The following DCC variants were observed in gnomAD, a reference collection of about 807,000 sequenced individuals.
The protein encoded by DCC is DCC netrin 1 receptor, also known as netrin receptor DCC.
In DCC, 58 loss-of-function variants were observed where a neutral mutation model predicts 172.5. The ratio of observed to expected loss-of-function variants is 0.34; its 90% confidence interval spans 0.27 to 0.42. DCC has a LOEUF of 0.42. Among genes scored for constraint, DCC ranks in the 10% least tolerant of loss-of-function variants. The pLI is 1.00. For synonymous variants in DCC, 709 were observed against 644.5 expected (o/e 1.10, Z -1.52); for missense variants, 1,740 against 1,791.0 (o/e 0.97, Z 0.51).
intron 3 of DCC, among the ~76,000 whole-genome samples, chr18:52,911,772 T>G (rs1174952086): frequency 6.6e-6 from 1 of 151,976 alleles, no homozygotes; most frequent in Non-Finnish European, 1.5e-5. Context: ...CATACTGTGT[T>G]TTCTTTTAAA....
At chr18:52,346,781 G>T (rs1187220734) in intron 1 of DCC, among the ~76,000 whole-genome samples, 1 of 152,116 alleles carries the variant, frequency 6.6e-6, no homozygotes, top group Non-Finnish European at 1.5e-5. Context: ...CTTATGGCAT[G>T]ACTTCTGTAG....
intron 5 of DCC, among the ~76,000 whole-genome samples, chr18:52,956,248 A>C (rs1189754123): frequency 6.6e-6 from 1 of 152,034 alleles, no homozygotes; most frequent in South Asian, 2.1e-4. Flanking sequence ...GAAGAGTATA[A>C]GGTCTGTGTC....
chr18:52,920,823 T>C (rs1169754496), intron 3 of DCC, among the ~76,000 whole-genome samples: 1 of 152,050 alleles, frequency 6.6e-6, no homozygotes, highest in African/African-American at 2.4e-5. Flanking sequence ...ATCTAGACAA[T>C]GGATTATTAC....
intron 1 of DCC, among the ~76,000 whole-genome samples, chr18:52,701,036 G>T (rs766077889): frequency 2.0e-5 from 3 of 152,116 alleles, no homozygotes; most frequent in African/African-American, 7.2e-5. Flanking sequence ...GATAGCCTCC[G>T]ATCAGTGACT....
At chr18:52,599,725 G>A (rs910084663) in intron 1 of DCC, among the ~76,000 whole-genome samples, 13 of 152,006 alleles carry the variant, frequency 8.6e-5, no homozygotes, top group South Asian at 2.1e-4. Flanking sequence ...TGTTGGTCAG[G>A]CTAGTCTCAA....
At chr18:53,393,979 A>G (rs968382275) in intron 17 of DCC, among the ~76,000 whole-genome samples, 7 of 151,658 alleles carry the variant, frequency 4.6e-5, no homozygotes, top group African/African-American at 1.7e-4. Flanking sequence ...AGAGAAAACT[A>G]GAAAGATATA....
At chr18:52,394,445 G>T (rs36020531) in intron 1 of DCC, among the ~76,000 whole-genome samples, 14,455 of 146,816 alleles carry the variant, frequency 0.098, 868 homozygotes, top group South Asian at 0.17. Context: ...TTTTAAAGTG[G>T]TTTTTTTTTT....
At chr18:53,390,239 C>CTCTCTT (rs1491062585) in intron 16 of DCC, among the ~76,000 whole-genome samples, 3 of 124,808 alleles carry the variant, frequency 2.4e-5, no homozygotes, top group Non-Finnish European at 5.5e-5. Context: ...TTAAACACAA[C>CTCTCTT]TCTCTTTCTC....
At chr18:53,398,336 T>G (rs1407517699) in intron 18 of DCC, among the ~76,000 whole-genome samples, 2 of 152,152 alleles carry the variant, frequency 1.3e-5, no homozygotes, top group African/African-American at 4.8e-5. Flanking sequence ...GTGAGAATAT[T>G]TTTACATATC....
At chr18:53,494,616 C>CAGAG (rs1224420917) in intron 26 of DCC, among the ~76,000 whole-genome samples, 1 of 152,122 alleles carries the variant, frequency 6.6e-6, no homozygotes, top group African/African-American at 2.4e-5. Flanking sequence ...TCTGTTTTAT[C>CAGAG]AGAGACTAGG....
Position 53,450,560 on chromosome 18 carries a change from A to C in DCC, c.3290A>C (p.Asn1097Thr), listed in dbSNP as rs1250520036. The C allele has an allele frequency of 1.2e-6, 2 of 1,613,900 alleles. No homozygotes were observed. The highest frequency in any genetic ancestry group is 1.3e-5 in the African/African-American group (1 of 74,872). Residue 1097 changes from asparagine to threonine, a missense_variant, in exon 23 of 29, where the codon AAC (asparagine) becomes ACC (threonine). Physicochemically the swap from Asn to Thr is moderately conservative, Grantham distance 65. Around this residue, in one of 2 missense-constraint regions of DCC, gnomAD observed 1,732 missense variants for 1,767.4 expected, o/e 0.98. Transcript: ENST00000442544. ...HGSVTPQKNS[N>T]LLVIIVVTVG... ...AGTGTCACTCCTCAGAAGAACAGCA[A>C]CCTGCTTGTGATCATTGTGGTCACC...
intron 11 of DCC, among the ~76,000 whole-genome samples, chr18:53,208,752 C>CG (rs2055698698): frequency 6.6e-6 from 1 of 152,010 alleles, no homozygotes; most frequent in African/African-American, 2.4e-5. Context: ...TTTTTGGAAA[C>CG]GGAGTCTCGC....
Position 53,535,471 on chromosome 18 carries a change from C to T in DCC, c.*4818C>T, listed in dbSNP as rs2144653557. 1 of 152,310 alleles carries T rather than the reference C, an allele frequency of 6.6e-6. No homozygotes were observed. The highest frequency in any genetic ancestry group is 6.5e-5 in the Admixed American group (1 of 15,312). The allele number at this position is 152,310 out of a possible 1,614,324, so 9.4% of individuals were successfully genotyped here. On this transcript the variant is annotated 3_prime_UTR_variant, in exon 29 of 29. Coordinates refer to ENST00000442544, the MANE Select transcript of DCC (RefSeq NM_005215.4). ...GAAAGCATTTTGCAGATCAGTGCTACTCATTCAAAGGGCTTTGCAACTCAA... is the reference window on the plus strand; with the variant it reads ...GAAAGCATTTTGCAGATCAGTGCTATTCATTCAAAGGGCTTTGCAACTCAA...
chr18:52,496,978 C>T (rs1381088406), intron 1 of DCC, among the ~76,000 whole-genome samples: 1 of 151,742 alleles, frequency 6.6e-6, no homozygotes, highest in East Asian at 1.9e-4. Context: ...TATGACCAGG[C>T]ATGGTGGTTC....
intron 2 of DCC, among the ~76,000 whole-genome samples, chr18:52,763,207 T>A (rs1229793221): frequency 6.6e-6 from 1 of 152,194 alleles, no homozygotes; most frequent in African/African-American, 2.4e-5. Context: ...TTTACTAAGA[T>A]TTTACCTGAA....
At chr18:52,357,034 C>T (rs971398570) in intron 1 of DCC, among the ~76,000 whole-genome samples, 3 of 152,120 alleles carry the variant, frequency 2.0e-5, no homozygotes, top group South Asian at 2.1e-4. Flanking sequence ...AAATGTCCAC[C>T]TTGGCCTCCC....
At chr18:52,838,215 A>T (rs186377722) in intron 2 of DCC, among the ~76,000 whole-genome samples, 37 of 152,250 alleles carry the variant, frequency 2.4e-4, no homozygotes, top group African/African-American at 8.2e-4. Context: ...ACTTTATAAA[A>T]TTTTTATTTG....
intron 1 of DCC, among the ~76,000 whole-genome samples, chr18:52,610,093 C>T (rs1433943899): frequency 7.3e-6 from 1 of 137,510 alleles, no homozygotes; most frequent in Non-Finnish European, 1.5e-5. Context: ...GCGGGTGGAT[C>T]GCCTGAGATT....
chr18:52,559,491 G>T (rs772072774), intron 1 of DCC, among the ~76,000 whole-genome samples: 9 of 151,982 alleles, frequency 5.9e-5, no homozygotes, highest in African/African-American at 9.7e-5. Context: ...CCTTTTTCAT[G>T]CCATAAAGGA....
Sources: allele counts gnomAD v4.1 joint callset (sites outside exome capture counted in the v4.1 genomes callset), GRCh38; gene constraint gnomAD v4.1.1; regional missense constraint gnomAD v4.1.1; transcripts MANE v1.5; gene names NCBI Gene and HGNC (gene_info 2026-07-23, HGNC 2026-07-21).